GALNT7: variants seen among roughly 807,000 people sequenced by gnomAD.
GALNT7 encodes the protein polypeptide N-acetylgalactosaminyltransferase 7.
GALNT7 carries 60 observed loss-of-function variants against 82.1 expected under a neutral mutation model. The ratio of observed to expected loss-of-function variants is 0.73; its 90% CI spans 0.59 to 0.91. The LOEUF (loss-of-function observed/expected upper bound fraction) is 0.91. Among genes scored for constraint, GALNT7 ranks in the 40% least tolerant of loss-of-function variants. The pLI is 0.00. For missense variants in GALNT7, 660 were observed against 804.2 expected (o/e 0.82, Z 2.17); for synonymous variants, 243 against 275.1 (o/e 0.88, Z 1.15).
intron 2 of GALNT7, among the ~76,000 whole-genome samples, chr4:173,277,451 C>G (rs568576939): frequency 1.0e-3 from 155 of 152,254 alleles, no homozygotes; most frequent in African/African-American, 3.6e-3. Context: ...TAGTAGAAAC[C>G]AACAAGAGTT....
At chr4:173,209,468 A>C in intron 1 of GALNT7, among the ~76,000 whole-genome samples, 1 of 152,232 alleles carries the variant, frequency 6.6e-6, no homozygotes, top group East Asian at 1.9e-4. Context: ...CATGCCAATA[A>C]TTCTAGTCTT....
chr4:173,181,246 G>A (rs2877748), intron 1 of GALNT7, among the ~76,000 whole-genome samples: 105,897 of 152,030 alleles, frequency 0.7, 37,105 homozygotes, highest in East Asian at 0.76. Context: ...CATTTAAGCA[G>A]AAGATTGCTG....
intron 1 of GALNT7, among the ~76,000 whole-genome samples, chr4:173,196,074 A>G (rs1732764472): frequency 6.6e-6 from 1 of 152,214 alleles, no homozygotes; most frequent in Non-Finnish European, 1.5e-5. Flanking sequence ...ATACAAAATT[A>G]CATAACAATT....
chr4:173,224,842 C>A (rs994378185), intron 1 of GALNT7, among the ~76,000 whole-genome samples: 48 of 151,538 alleles, frequency 3.2e-4, no homozygotes, highest in South Asian at 6.3e-4. Flanking sequence ...GAAACCCCGT[C>A]TCTACTAAAA....
intron 1 of GALNT7, among the ~76,000 whole-genome samples, chr4:173,178,050 T>TCAC (rs1732117596): frequency 8.5e-6 from 1 of 117,624 alleles, no homozygotes; most frequent in African/African-American, 3.4e-5. Flanking sequence ...TGTGTGTGTG[T>TCAC]GTGCGCGCAC....
chr4:173,212,454 A>T (rs1170615102), intron 1 of GALNT7, among the ~76,000 whole-genome samples: 1 of 152,184 alleles, frequency 6.6e-6, no homozygotes, highest in African/African-American at 2.4e-5. Flanking sequence ...AGTAATCAGG[A>T]TGGTTATATG....
In GALNT7 at chr4:173,282,220, C is replaced by T. The variant is rs187667445; in HGVS notation, c.588-9888C>T. ...AAGCACAAAGCGCCACTTCTCTTTT[C>T]TGTATAACTGTGGGTTTGTTTTAGG... On this transcript the variant is annotated intron_variant, in intron 2 of 11. Transcript: ENST00000265000. Among the ~76,000 whole-genome samples the T allele has an allele frequency of 3.0e-4, 46 of 152,326 alleles. 1 individual carries two copies. In the East Asian group the frequency reaches 5.4e-3, roughly 18 times the overall value.
chr4:173,320,953 AG>A lies in GALNT7; in HGVS notation c.1837-626del, dbSNP rs1424510109. 6.6e-6 allele frequency among the ~76,000 whole-genome samples: 1 copy of A among 152,218 alleles called. No individual in the cohort carries two copies. The highest frequency in any genetic ancestry group is 1.5e-5 in the Non-Finnish European group (1 of 68,022). On this transcript the variant is annotated intron_variant, in intron 11 of 11. Transcript: ENST00000265000. The surrounding 1 kb of genome is among the most constrained non-coding windows in gnomAD (Gnocchi z 4.1). Reference sequence around the variant, plus strand: ...GTTTGATTCATGCTAAGGCACCATCAGTTTTACTCACCATTGCTTTTGCACT... The same window carrying A: ...GTTTGATTCATGCTAAGGCACCATCATTTTACTCACCATTGCTTTTGCACT...
At chr4:173,217,625 T>C (rs114425393) in intron 1 of GALNT7, among the ~76,000 whole-genome samples, 4,371 of 152,356 alleles carry the variant, frequency 0.029, 88 homozygotes, top group Non-Finnish European at 0.048. Context: ...GATTCAACTC[T>C]TGGAATCTTC....
chr4:173,235,833 C>T (rs545789484), intron 1 of GALNT7, among the ~76,000 whole-genome samples: 136 of 152,256 alleles, frequency 8.9e-4, no homozygotes, highest in African/African-American at 3.1e-3. Flanking sequence ...GGATTACAGG[C>T]GTGAGCCACC....
At chr4:173,172,657 G>A (rs928641675) in intron 1 of GALNT7, among the ~76,000 whole-genome samples, 1 of 152,094 alleles carries the variant, frequency 6.6e-6, no homozygotes, top group Non-Finnish European at 1.5e-5. Context: ...TGACTTTTGA[G>A]GCGAAATCTG....
chr4:173,284,962 G>A (rs142663408), intron 2 of GALNT7, among the ~76,000 whole-genome samples: 119 of 152,134 alleles, frequency 7.8e-4, no homozygotes, highest in East Asian at 1.9e-3. Context: ...GGTCAGCATC[G>A]TAAGAAAACC....
intron 1 of GALNT7, among the ~76,000 whole-genome samples, chr4:173,216,795 A>G (rs905664625): frequency 5.3e-5 from 7 of 132,088 alleles, no homozygotes; most frequent in Admixed American, 8.6e-5. Context: ...CAATGGCGCA[A>G]TCTCGGCTCA....
At chr4:173,199,996 A>G (rs1010499053) in intron 1 of GALNT7, among the ~76,000 whole-genome samples, 16 of 152,350 alleles carry the variant, frequency 1.1e-4, no homozygotes, top group Admixed American at 8.5e-4. Flanking sequence ...TAATTCTTAG[A>G]AAATTGGCAA....
chr4:173,317,492 A>G (rs1337834626), intron 9 of GALNT7, 142 bp from the exon 10 acceptor site: 3 of 604,730 alleles, frequency 5.0e-6, no homozygotes, highest in East Asian at 2.8e-5. Context: ...AAGATTGACA[A>G]TCCAGTAATA....
At chr4:173,310,763 T>G (rs745490325) in intron 8 of GALNT7, among the ~76,000 whole-genome samples, 2 of 152,076 alleles carry the variant, frequency 1.3e-5, no homozygotes, top group Non-Finnish European at 2.9e-5. Context: ...GAGACGGAGT[T>G]TCACTCTTGT....
At position 173,295,793 on chromosome 4, in the gene GALNT7, G is replaced by A. The variant is rs752424674; in HGVS notation, c.915G>A (p.Glu305=). 6.2e-7 allele frequency: 1 copy of A among 1,610,492 alleles called. No homozygotes were observed. The highest frequency in any genetic ancestry group is 8.5e-7 in the Non-Finnish European group (1 of 1,176,780). The change falls in exon 5 of 12, where the codon GAG becomes GAA. Residue 305 remains glutamate, a synonymous_variant. Transcript: ENST00000265000. ...TGATATACCTTGATGCCCACTGTGA[G>A]GTGGCAGTTAACTGGTATGCACCAC... ...QVLIYLDAHC[E]VAVNWYAPLV...
At chr4:173,306,969 AC>A (rs1412823363) in intron 8 of GALNT7, among the ~76,000 whole-genome samples, 3 of 152,152 alleles carry the variant, frequency 2.0e-5, no homozygotes, top group Non-Finnish European at 2.9e-5. Flanking sequence ...GTGTGAGGGT[AC>A]TTGCTTGGTG....
chr4:173,283,605 C>T (rs2126812233), intron 2 of GALNT7, among the ~76,000 whole-genome samples: 1 of 148,728 alleles, frequency 6.7e-6, no homozygotes, highest in Middle Eastern at 3.5e-3. Flanking sequence ...CCACTGCACT[C>T]GGCCTGGGCG....
Sources: allele counts gnomAD v4.1 joint callset (sites outside exome capture counted in the v4.1 genomes callset), GRCh38; gene constraint gnomAD v4.1.1; non-coding constraint Gnocchi (gnomAD v3.1); transcripts MANE v1.5; gene names NCBI Gene and HGNC (gene_info 2026-07-23, HGNC 2026-07-21).